The following PDE4B variants were observed in gnomAD, a reference collection of about 807,000 sequenced individuals.
PDE4B encodes 3',5'-cyclic-AMP phosphodiesterase 4B.
Under a neutral mutation model 82.2 loss-of-function variants are expected in PDE4B, and 20 were observed. The ratio of observed to expected loss-of-function variants is 0.24; its 90% CI spans 0.17 to 0.35. The LOEUF is 0.35. Among genes scored for constraint, PDE4B ranks in the 10% least tolerant of loss-of-function variants. The pLI is 1.00. For missense variants in PDE4B, 655 were observed against 907.2 expected (o/e 0.72, Z 3.57); for synonymous variants, 320 against 318.9 (o/e 1.00, Z -0.04).
At chr1:65,892,872 C>T (rs1467638004) in intron 1 of PDE4B, among the ~76,000 whole-genome samples, 1 of 152,046 alleles carries the variant, frequency 6.6e-6, no homozygotes, top group African/African-American at 2.4e-5. Context: ...ACATTTGCTA[C>T]TTCCATTTTA....
intron 7 of PDE4B, among the ~76,000 whole-genome samples, chr1:66,268,835 G>C (rs539325714): frequency 2.0e-5 from 3 of 151,648 alleles, no homozygotes; most frequent in African/African-American, 7.3e-5. Context: ...TGGCATAATT[G>C]CTCCTTTTTT....
intron 7 of PDE4B, among the ~76,000 whole-genome samples, chr1:66,318,938 C>T (rs769835615): frequency 2.8e-4 from 42 of 152,242 alleles, no homozygotes; most frequent in South Asian, 6.2e-4. Flanking sequence ...GATTCTAAAG[C>T]AAGTCATGTC....
intron 7 of PDE4B, among the ~76,000 whole-genome samples, chr1:66,283,915 C>T (rs1656477099): frequency 6.6e-6 from 1 of 152,120 alleles, no homozygotes; most frequent in Non-Finnish European, 1.5e-5. Context: ...GATTCATTCA[C>T]CACTTTCTCA....
At chr1:66,126,028 A>C (rs891142252) in intron 3 of PDE4B, among the ~76,000 whole-genome samples, 2 of 151,938 alleles carry the variant, frequency 1.3e-5, no homozygotes, top group African/African-American at 4.8e-5. Flanking sequence ...CTGGTCTCGA[A>C]CTCCTGACCT....
At chr1:65,946,326 A>G (rs1243136571) in intron 3 of PDE4B, among the ~76,000 whole-genome samples, 1 of 151,948 alleles carries the variant, frequency 6.6e-6, no homozygotes, top group Non-Finnish European at 1.5e-5. Context: ...ATCTATTGGT[A>G]TCTGTGGTGT....
At chr1:65,885,804 T>C (rs894672069) in intron 1 of PDE4B, among the ~76,000 whole-genome samples, 13 of 151,464 alleles carry the variant, frequency 8.6e-5, no homozygotes, top group Non-Finnish European at 1.8e-4. Flanking sequence ...GGCACATGTA[T>C]ACATATGTAA....
intron 3 of PDE4B, among the ~76,000 whole-genome samples, chr1:65,986,311 G>C (rs1188844604): frequency 3.9e-5 from 6 of 152,146 alleles, no homozygotes; most frequent in Admixed American, 6.6e-5. Context: ...CATTCTGAGG[G>C]AGACAGCCAA....
chr1:65,883,698 A>C (rs1441885728), intron 1 of PDE4B, among the ~76,000 whole-genome samples: 1 of 152,094 alleles, frequency 6.6e-6, no homozygotes, highest in Admixed American at 6.6e-5. Flanking sequence ...ACTATGTTGA[A>C]TAGGAGTGGT....
chr1:65,960,879 C>T (rs183939952), intron 3 of PDE4B, among the ~76,000 whole-genome samples: 5 of 152,266 alleles, frequency 3.3e-5, no homozygotes, highest in African/African-American at 7.2e-5. Context: ...TGGCTCCTCT[C>T]TCTGAACTCA....
At chr1:65,990,585 A>G (rs1651190782) in intron 3 of PDE4B, among the ~76,000 whole-genome samples, 1 of 152,184 alleles carries the variant, frequency 6.6e-6, no homozygotes, top group Non-Finnish European at 1.5e-5. Context: ...TGACATTACT[A>G]ATAGTTTGTC....
At chr1:66,088,130 G>T (rs966858786) in intron 3 of PDE4B, among the ~76,000 whole-genome samples, 1 of 151,972 alleles carries the variant, frequency 6.6e-6, no homozygotes, top group Non-Finnish European at 1.5e-5. Flanking sequence ...CTAAGTAAAG[G>T]TTAAATGAAC....
intron 1 of PDE4B, among the ~76,000 whole-genome samples, chr1:65,908,676 G>T (rs1372406593): frequency 6.6e-6 from 1 of 152,046 alleles, no homozygotes; most frequent in East Asian, 1.9e-4. Context: ...AGACTATCGG[G>T]CAAGGGGACC....
At chr1:66,092,504 G>A (rs943467479) in intron 3 of PDE4B, among the ~76,000 whole-genome samples, 4 of 151,962 alleles carry the variant, frequency 2.6e-5, no homozygotes, top group African/African-American at 9.7e-5. Context: ...GAGTACAACT[G>A]AGAACAAAAT....
intron 3 of PDE4B, among the ~76,000 whole-genome samples, chr1:66,183,932 C>A (rs1647126322): frequency 1.3e-5 from 2 of 152,056 alleles, no homozygotes; most frequent in South Asian, 2.1e-4. Flanking sequence ...CATTTCAGAG[C>A]AATATTCAAA....
chr1:65,946,198 C>T (rs147899096), intron 3 of PDE4B, among the ~76,000 whole-genome samples: 24 of 152,046 alleles, frequency 1.6e-4, no homozygotes, highest in African/African-American at 5.8e-4. Context: ...GGGTTTGTGA[C>T]ATATGTTTGT....
intron 1 of PDE4B, among the ~76,000 whole-genome samples, chr1:65,883,474 T>C (rs1266341617): frequency 6.6e-6 from 1 of 152,116 alleles, no homozygotes; most frequent in Non-Finnish European, 1.5e-5. Flanking sequence ...TATTGGTGTA[T>C]AAGAATGCTT....
chr1:65,881,707 C>T (rs902110098), intron 1 of PDE4B, among the ~76,000 whole-genome samples: 1 of 152,116 alleles, frequency 6.6e-6, no homozygotes, highest in African/African-American at 2.4e-5. Context: ...TGGTCTTATA[C>T]TCTTATGCTA....
chr1:66,253,433 A>G (rs1653941920), intron 4 of PDE4B, among the ~76,000 whole-genome samples: 1 of 152,238 alleles, frequency 6.6e-6, no homozygotes, highest in Non-Finnish European at 1.5e-5. Context: ...ACTCAATTCT[A>G]TGACTCAGTA....
At chr1:65,824,081 G>A (rs1645986509) in intron 1 of PDE4B, among the ~76,000 whole-genome samples, 1 of 152,088 alleles carries the variant, frequency 6.6e-6, no homozygotes, top group Admixed American at 6.6e-5. Context: ...TATATACTAG[G>A]GGATAGCAAT....
Sources: allele counts gnomAD v4.1 joint callset (sites outside exome capture counted in the v4.1 genomes callset), GRCh38; gene constraint gnomAD v4.1.1; transcripts MANE v1.5; gene names NCBI Gene and HGNC (gene_info 2026-07-23, HGNC 2026-07-21).